Variants in THOC2 observed in about 807,000 individuals in gnomAD.
THOC2 encodes the protein THO complex 2.
THOC2 carries 10 observed loss-of-function variants against 128.4 expected under a neutral mutation model. The ratio of observed to expected loss-of-function variants is 0.08; its 90% confidence interval spans 0.05 to 0.13. The LOEUF (loss-of-function observed/expected upper bound fraction) is 0.13. Ranked by LOEUF, THOC2 falls within the 10% of genes least tolerant of loss-of-function variation. The pLI, the probability that THOC2 is intolerant of heterozygous loss-of-function variation, is 1.00. For missense variants in THOC2, 535 were observed against 1,155.7 expected (o/e 0.46, Z 7.79); for synonymous variants, 393 against 396.9 (o/e 0.99, Z 0.12).
intron 13 of THOC2, among the ~76,000 whole-genome samples, 175 bp downstream of exon 13, chrX:123,645,159 A>C (rs945555243): frequency 4.5e-5 from 5 of 112,240 alleles, no homozygotes; most frequent in African/African-American, 1.6e-4. Context: ...ACATCAGGGG[A>C]AAAAATGTTA....
chrX:123,703,560 A>ATGAAACCCTAATACTT, intron 3 of THOC2, 55 bp from the exon 4 acceptor site: 1 of 814,631 alleles, frequency 1.2e-6, no homozygotes, highest in African/African-American at 2.1e-5. Flanking sequence ...AGCAAGTATT[A>ATGAAACCCTAATACTT]GGGTTTCATA....
At chrX:123,616,587 A>G (rs1392453462) in intron 33 of THOC2, among the ~76,000 whole-genome samples, 1 of 110,653 alleles carries the variant, frequency 9.0e-6, no homozygotes, top group Non-Finnish European at 1.9e-5. Flanking sequence ...AAGATGGTGA[A>G]CAAATTGAAA....
intron 8 of THOC2, among the ~76,000 whole-genome samples, chrX:123,675,101 A>G (rs1036314366): frequency 1.8e-5 from 2 of 112,420 alleles, no homozygotes; most frequent in African/African-American, 3.2e-5. Flanking sequence ...ACTGGCTTTT[A>G]TATTTTACCT....
In THOC2 at chrX:123,601,289, C is replaced by G. The variant is rs1373487460; in HGVS notation, c.*68G>C. The G allele has an allele frequency of 9.0e-6, 1 of 111,367 alleles. No homozygotes were observed. The highest frequency in any genetic ancestry group is 1.9e-5 in the Non-Finnish European group (1 of 53,044). The allele number at this position is 111,367 out of a possible 1,213,427, so 9.2% of individuals were successfully genotyped here. On this transcript the variant is annotated 3_prime_UTR_variant, in exon 39 of 39. Transcript: ENST00000245838. ...CATTCTTAATTCTCGGCAATTTACT[C>G]AGGAAAATAAATTTCTGGTCGCAGC...
chrX:123,686,959 C>A (rs2050024478), intron 7 of THOC2, among the ~76,000 whole-genome samples: 2 of 111,674 alleles, frequency 1.8e-5, no homozygotes, highest in South Asian at 7.4e-4. Flanking sequence ...TAGTCCAGGA[C>A]CAGTGATACC....
At chrX:123,728,341 G>A (rs1660953867) in intron 1 of THOC2, among the ~76,000 whole-genome samples, 1 of 111,151 alleles carries the variant, frequency 9.0e-6, no homozygotes, top group Non-Finnish European at 1.9e-5. Context: ...GAGCATTACA[G>A]AATAATTTTT....
chrX:123,717,490 ACAC>A (rs1276052641), intron 1 of THOC2, among the ~76,000 whole-genome samples: 1 of 111,390 alleles, frequency 9.0e-6, no homozygotes, highest in East Asian at 2.8e-4. Flanking sequence ...AAAGATCCAT[ACAC>A]CACAAGCTAT....
chrX:123,669,623 C>A (rs2147811758), intron 9 of THOC2, among the ~76,000 whole-genome samples: 1 of 111,490 alleles, frequency 9.0e-6, no homozygotes, highest in South Asian at 3.8e-4. Context: ...GCCATAGGTC[C>A]TTATCTTTTA....
intron 13 of THOC2, 103 bp downstream of exon 13, chrX:123,645,230 AC>A: frequency 1.8e-6 from 1 of 566,545 alleles, no homozygotes; most frequent in East Asian, 3.9e-5. Context: ...ACATTATAAA[AC>A]AATTACTCAT....
chrX:123,660,290 A>G (rs2048775177), intron 12 of THOC2, among the ~76,000 whole-genome samples: 1 of 111,585 alleles, frequency 9.0e-6, no homozygotes, highest in South Asian at 3.8e-4. Flanking sequence ...GGTTATGTAC[A>G]GGACTTCCAT....
intron 12 of THOC2, among the ~76,000 whole-genome samples, chrX:123,664,205 C>A (rs1227871873): frequency 8.9e-6 from 1 of 112,002 alleles, no homozygotes; most frequent in Non-Finnish European, 1.9e-5. Flanking sequence ...CTGTCTTCCA[C>A]AAAGATGGAT....
chrX:123,686,557 C>T lies in THOC2; in HGVS notation c.759G>A (p.Lys253=), dbSNP rs1603302469. The stretch of plus-strand genomic sequence containing the variant: ...ACACGTTTTTCTTTACCTGGTAAAA[C>T]TTGAATTTGAACCCAAGAATATGAC... ...TLCHILGFKF[K]FYQEPNGETP... Residue 253 remains lysine, a synonymous_variant, in exon 8 of 39, where the codon AAG becomes AAA. Transcript: ENST00000245838. 5.0e-6 allele frequency: 6 copies of T among 1,191,985 alleles called. No individual in the cohort carries two copies. The highest frequency in any genetic ancestry group is 2.4e-4 in the Middle Eastern group (1 of 4,189).
intron 1 of THOC2, among the ~76,000 whole-genome samples, chrX:123,726,975 G>C (rs2052021379): frequency 9.0e-6 from 1 of 111,279 alleles, no homozygotes; most frequent in African/African-American, 3.3e-5. Context: ...TGAGGGGGGA[G>C]GATCACTTGA....
intron 12 of THOC2, among the ~76,000 whole-genome samples, chrX:123,648,207 G>A (rs887905080): frequency 4.5e-5 from 5 of 111,689 alleles, no homozygotes; most frequent in Non-Finnish European, 7.5e-5. Context: ...GCAAGGGGTC[G>A]GGGAACTCTC....
At chrX:123,641,955 A>C (rs1348996180) in intron 15 of THOC2, among the ~76,000 whole-genome samples, 1 of 112,354 alleles carries the variant, frequency 8.9e-6, no homozygotes, top group Non-Finnish European at 1.9e-5. Flanking sequence ...AAATAGTTAT[A>C]GCTTACAAAT....
At chrX:123,668,124 AG>A (rs1469018465) in intron 10 of THOC2, 34 bp downstream of exon 10, 1 of 1,012,062 alleles carries the variant, frequency 9.9e-7, no homozygotes, top group Non-Finnish European at 1.3e-6. Context: ...AAAATCCAGA[AG>A]ATAGTGTTAA....
intron 25 of THOC2, among the ~76,000 whole-genome samples, chrX:123,625,413 A>C (rs2147607238): frequency 8.9e-6 from 1 of 111,897 alleles, no homozygotes; most frequent in South Asian, 3.7e-4. Flanking sequence ...ATGTTTTTAA[A>C]CCACAAAATG....
intron 2 of THOC2, among the ~76,000 whole-genome samples, chrX:123,711,081 T>C (rs5958289): frequency 9.7e-6 from 1 of 103,183 alleles, no homozygotes. Flanking sequence ...TGCAGTGGTG[T>C]GATCTTGGCT....
At chrX:123,649,224 G>C (rs2048257620) in intron 12 of THOC2, among the ~76,000 whole-genome samples, 1 of 112,301 alleles carries the variant, frequency 8.9e-6, no homozygotes, top group Non-Finnish European at 1.9e-5. Context: ...CAGCAGAGGG[G>C]CCTGACTATT....
Sources: gnomAD v4.1 joint callset for allele counts (sites outside exome capture counted in the v4.1 genomes callset) on GRCh38, gnomAD v4.1.1 for gene constraint, MANE v1.5 for transcripts, NCBI Gene and HGNC (gene_info 2026-07-23, HGNC 2026-07-21) for gene names.